The following MAP4K5 variants were observed in gnomAD, a reference collection of about 807,000 sequenced individuals.
MAP4K5 encodes the protein MAPK/ERK kinase kinase kinase 5.
In MAP4K5, 82 loss-of-function variants were observed where a neutral mutation model predicts 135.6. The ratio of observed to expected loss-of-function variants is 0.60; its 90% confidence interval spans 0.51 to 0.73. The LOEUF (loss-of-function observed/expected upper bound fraction) is 0.73. MAP4K5 is among the 30% of genes least tolerant of loss of function. MAP4K5 has a pLI of 0.00. For synonymous variants in MAP4K5, 347 were observed against 335.0 expected, an observed-to-expected ratio of 1.04 and a Z score of -0.39; for missense variants, 907 against 1,010.9, an observed-to-expected ratio of 0.90 and a Z score of 1.39.
intron 11 of MAP4K5, among the ~76,000 whole-genome samples, chr14:50,465,570 T>C (rs890307973): frequency 2.6e-5 from 4 of 152,146 alleles, no homozygotes; most frequent in African/African-American, 7.2e-5. Context: ...CCAACAGAGA[T>C]TGATTTTAAG....
intron 2 of MAP4K5, among the ~76,000 whole-genome samples, chr14:50,521,263 T>C (rs1171889753): frequency 6.6e-6 from 1 of 152,172 alleles, no homozygotes; most frequent in African/African-American, 2.4e-5. Flanking sequence ...TTGAAATCAG[T>C]CCATAAATCC....
intron 2 of MAP4K5, among the ~76,000 whole-genome samples, chr14:50,510,739 A>G (rs923497407): frequency 3.9e-5 from 6 of 152,238 alleles, no homozygotes; most frequent in Non-Finnish European, 7.3e-5. Flanking sequence ...TTAAAATAAT[A>G]TAAATCAGTG....
At chr14:50,531,908 AC>A (rs1338940404) in intron 2 of MAP4K5, 33 bp downstream of exon 2, 6 of 1,426,004 alleles carry the variant, frequency 4.2e-6, no homozygotes, top group Admixed American at 3.8e-5. Flanking sequence ...GACCCAGTCG[AC>A]CGCAGGAAAA....
chr14:50,442,748 T>C lies in MAP4K5; in HGVS notation c.1548A>G (p.Ile516Met), dbSNP rs1165910800. 1 of 1,595,338 alleles carries C rather than the reference T, an allele frequency of 6.3e-7. No homozygotes were observed. Residue 516 changes from isoleucine to methionine, a missense_variant, in exon 21 of 33, where the codon ATA (isoleucine) becomes ATG (methionine). Physicochemically the swap from Ile to Met is conservative, Grantham distance 10. Coordinates refer to ENST00000682126, the MANE Select transcript of MAP4K5 (RefSeq NM_006575.6). Reference protein sequence around the residue: ...PLKINCATSWIHPDTKDQYII... With the variant: ...PLKINCATSWMHPDTKDQYII... ...ACATTTTACCTTTTGTATCAGGATG[T>C]ATCCAGGATGTTGCACAATTAATTT... is the stretch of plus-strand genomic sequence containing the variant.
At chr14:50,507,771 T>C (rs546276836) in intron 2 of MAP4K5, among the ~76,000 whole-genome samples, 2 of 152,286 alleles carry the variant, frequency 1.3e-5, no homozygotes, top group African/African-American at 2.4e-5. Flanking sequence ...TTTCCAACTA[T>C]GTGGTCAGTT....
At chr14:50,439,603 T>C (rs2036178955) in intron 23 of MAP4K5, among the ~76,000 whole-genome samples, 1 of 152,128 alleles carries the variant, frequency 6.6e-6, no homozygotes, top group African/African-American at 2.4e-5. Flanking sequence ...ATCCTCATTT[T>C]ATAATTAAGA....
chr14:50,549,815 G>A (rs2038679353), intron 1 of MAP4K5, among the ~76,000 whole-genome samples: 1 of 152,138 alleles, frequency 6.6e-6, no homozygotes, highest in Non-Finnish European at 1.5e-5. Flanking sequence ...TCCCAGAATG[G>A]CTAAGTTCCC....
At chr14:50,557,344 G>T (rs1158878184) in intron 1 of MAP4K5, among the ~76,000 whole-genome samples, 1 of 152,086 alleles carries the variant, frequency 6.6e-6, no homozygotes, top group Non-Finnish European at 1.5e-5. Context: ...TCTCCCGTAG[G>T]TGACCAATCT....
chr14:50,452,108 G>C (rs573317435), intron 14 of MAP4K5, among the ~76,000 whole-genome samples: 1 of 152,166 alleles, frequency 6.6e-6, no homozygotes, highest in Non-Finnish European at 1.5e-5. Flanking sequence ...TTCTGAGCGT[G>C]TTTAAGCTGG....
At position 50,443,968 on chromosome 14, in the gene MAP4K5, G is replaced by C. The variant is rs759129398; in HGVS notation, c.1408C>G (p.Pro470Ala). ...TEGSAQAPQL[P>A]RKKDKRDFPK... is the part of the protein sequence containing the mutation. Reference sequence around the variant, plus strand: ...AAGTCTCGTTTGTCCTTTTTTCGTGGTAACTGTGGTGCTTGTGCTGATCCT... The same window carrying C: ...AAGTCTCGTTTGTCCTTTTTTCGTGCTAACTGTGGTGCTTGTGCTGATCCT... Residue 470 changes from proline (P) to alanine (A), a missense_variant, in exon 19 of 33, where the codon CCA becomes GCA. Around this residue, in one of 3 missense-constraint regions of MAP4K5, gnomAD observed 690 missense variants for 777.4 expected, o/e 0.89. Coordinates refer to ENST00000682126, the MANE Select transcript of MAP4K5 (RefSeq NM_006575.6). 37 of 1,608,942 alleles carry C rather than the reference G, an allele frequency of 2.3e-5. No individual in the cohort carries two copies. Among genetic ancestry groups the C allele is most frequent in the Non-Finnish European group, 3.1e-5 (37 of 1,177,438 alleles).
intron 3 of MAP4K5, among the ~76,000 whole-genome samples, chr14:50,504,589 C>T (rs2037770642): frequency 6.6e-6 from 1 of 152,088 alleles, no homozygotes; most frequent in African/African-American, 2.4e-5. Context: ...GTCAATGTGT[C>T]TTCCAATTCT....
intron 1 of MAP4K5, among the ~76,000 whole-genome samples, chr14:50,543,162 C>G (rs575339517): frequency 2.0e-5 from 3 of 152,338 alleles, no homozygotes; most frequent in Admixed American, 6.5e-5. Context: ...GCCTACGTGA[C>G]AATAGGAATG....
intron 1 of MAP4K5, among the ~76,000 whole-genome samples, chr14:50,556,006 G>T (rs2038760831): frequency 6.6e-6 from 1 of 152,150 alleles, no homozygotes; most frequent in Non-Finnish European, 1.5e-5. Context: ...AATAATTGAG[G>T]ATACAGGGGG....
At chr14:50,477,244 A>G (rs556915150) in intron 6 of MAP4K5, among the ~76,000 whole-genome samples, 12 of 152,138 alleles carry the variant, frequency 7.9e-5, no homozygotes, top group Non-Finnish European at 1.8e-4. Context: ...TTATGTTATT[A>G]TATGTTGTAT....
chr14:50,555,073 T>C (rs2038749110), intron 1 of MAP4K5, among the ~76,000 whole-genome samples: 1 of 152,172 alleles, frequency 6.6e-6, no homozygotes, highest in South Asian at 2.1e-4. Flanking sequence ...GGTATTTGAG[T>C]GGAGATGATG....
intron 2 of MAP4K5, among the ~76,000 whole-genome samples, chr14:50,517,926 T>C (rs992865689): frequency 1.1e-4 from 16 of 152,220 alleles, no homozygotes; most frequent in African/African-American, 3.9e-4. Flanking sequence ...CTACATATAT[T>C]AGTCATACAT....
intron 2 of MAP4K5, among the ~76,000 whole-genome samples, chr14:50,523,691 C>T (rs2038199419): frequency 6.6e-6 from 1 of 152,124 alleles, no homozygotes; most frequent in African/African-American, 2.4e-5. Flanking sequence ...ACGTATTATA[C>T]AATGTGTTTA....
In MAP4K5 at chr14:50,468,775, G is replaced by T; in HGVS notation, c.550C>A (p.Pro184Thr). ...TTCTTCTCTACTGCTGCAACTTCTG[G>T]GGCCATCCTAGAAGGAATCAATGAA... ...SFIGTPYWMA[P>T]EVAAVEKNGG... Residue 184 changes from proline (P) to threonine (T), a missense_variant, in exon 10 of 33, where the codon CCA becomes ACA. Physicochemically the swap from Pro to Thr is conservative, Grantham distance 38. This residue lies in a region of MAP4K5 where 21 missense variants were observed against 44.2 expected (regional missense o/e 0.47). Coordinates refer to ENST00000682126, the MANE Select transcript of MAP4K5 (RefSeq NM_006575.6). 6.2e-7 allele frequency: 1 copy of T among 1,608,852 alleles called. No individual in the cohort carries two copies. Among genetic ancestry groups the T allele is most frequent in the Non-Finnish European group, 8.5e-7 (1 of 1,177,310 alleles).
chr14:50,512,775 C>T (rs1038228104), intron 2 of MAP4K5, among the ~76,000 whole-genome samples: 1 of 152,080 alleles, frequency 6.6e-6, no homozygotes, highest in African/African-American at 2.4e-5. Context: ...TATACAAATT[C>T]GCGCTATAAT....
Sources: gnomAD v4.1 joint callset for allele counts (sites outside exome capture counted in the v4.1 genomes callset) on GRCh38, gnomAD v4.1.1 for gene constraint, gnomAD v4.1.1 regional missense constraint, MANE v1.5 for transcripts, NCBI Gene and HGNC (gene_info 2026-07-23, HGNC 2026-07-21) for gene names.